The following KHDRBS2 variants were observed in gnomAD, a reference collection of about 807,000 sequenced individuals.
KHDRBS2 encodes KH domain-containing, RNA-binding, signal transduction-associated protein 2.
Under a neutral mutation model 44.3 loss-of-function variants are expected in KHDRBS2, and 26 were observed. The ratio of observed to expected loss-of-function variants is 0.59; its 90% CI spans 0.43 to 0.81. KHDRBS2 has a LOEUF of 0.81. Ranked by LOEUF, KHDRBS2 falls within the 40% of genes least tolerant of loss-of-function variation. KHDRBS2 has a pLI of 0.00. For synonymous variants in KHDRBS2, 194 were observed against 151.1 expected, an observed-to-expected ratio of 1.28 and a Z score of -2.08; for missense variants, 476 against 433.1, an observed-to-expected ratio of 1.10 and a Z score of -0.88.
intron 6 of KHDRBS2, among the ~76,000 whole-genome samples, chr6:61,770,065 C>A (rs1780622886): frequency 6.6e-6 from 1 of 152,188 alleles, no homozygotes; most frequent in African/African-American, 2.4e-5. Flanking sequence ...TGCTGATACC[C>A]AGGCAAACAG....
the KHDRBS2 span, among the ~76,000 whole-genome samples, chr6:61,639,393 A>G: frequency 1.3e-5 from 2 of 152,006 alleles, no homozygotes; most frequent in African/African-American, 4.8e-5. Context: ...TCTAATATTT[A>G]TGTCTTTTTC....
chr6:62,280,313 A>G (rs1411589689), intron 1 of KHDRBS2, among the ~76,000 whole-genome samples: 1 of 152,194 alleles, frequency 6.6e-6, no homozygotes, highest in Non-Finnish European at 1.5e-5. Flanking sequence ...TTACTGTGAC[A>G]GCATTGTGTG....
intron 6 of KHDRBS2, among the ~76,000 whole-genome samples, chr6:61,815,098 T>A (rs1351904044): frequency 1.3e-5 from 2 of 152,092 alleles, no homozygotes; most frequent in Admixed American, 1.3e-4. Context: ...CCACTCATTT[T>A]TTTTTTTCAA....
the KHDRBS2 span, among the ~76,000 whole-genome samples, chr6:61,544,084 C>T: frequency 1.3e-5 from 2 of 151,892 alleles, no homozygotes; most frequent in Non-Finnish European, 1.5e-5. Flanking sequence ...TTCAAGTGTA[C>T]ATTTAAAAAT....
At chr6:61,961,717 T>C (rs1207471911) in intron 4 of KHDRBS2, among the ~76,000 whole-genome samples, 1 of 151,500 alleles carries the variant, frequency 6.6e-6, no homozygotes, top group East Asian at 2.0e-4. Context: ...AAGGTTAGAG[T>C]GACCAGAGGG....
intron 1 of KHDRBS2, among the ~76,000 whole-genome samples, chr6:62,214,437 C>A (rs1178655242): frequency 6.8e-6 from 1 of 147,164 alleles, no homozygotes; most frequent in Non-Finnish European, 1.5e-5. Context: ...GAAATAGTAA[C>A]TTACAAAAAT....
At chr6:62,150,390 T>C (rs1814891002) in intron 2 of KHDRBS2, among the ~76,000 whole-genome samples, 1 of 152,206 alleles carries the variant, frequency 6.6e-6, no homozygotes, top group African/African-American at 2.4e-5. Context: ...ATATACTATC[T>C]AATTTAATTA....
At chr6:61,782,926 G>C (rs1783234857) in intron 6 of KHDRBS2, among the ~76,000 whole-genome samples, 2 of 151,512 alleles carry the variant, frequency 1.3e-5, no homozygotes, top group South Asian at 2.1e-4. Context: ...AACAGAGTGG[G>C]ACACAAGAAT....
At chr6:61,641,857 T>C in the KHDRBS2 span, among the ~76,000 whole-genome samples, 1 of 152,242 alleles carries the variant, frequency 6.6e-6, no homozygotes, top group Non-Finnish European at 1.5e-5. Context: ...AACATCATGA[T>C]ATTTAAATTC....
chr6:61,808,516 G>A (rs1348711825), intron 6 of KHDRBS2, among the ~76,000 whole-genome samples: 1 of 151,992 alleles, frequency 6.6e-6, no homozygotes, highest in Non-Finnish European at 1.5e-5. Context: ...ATTGATCAAG[G>A]GTAAATGTGA....
At chr6:61,587,853 C>G in the KHDRBS2 span, among the ~76,000 whole-genome samples, 1 of 152,062 alleles carries the variant, frequency 6.6e-6, no homozygotes, top group African/African-American at 2.4e-5. Context: ...TAGTCTCTCC[C>G]TTCCAGAGAT....
chr6:61,688,721 G>A (rs1266898726), intron 8 of KHDRBS2, among the ~76,000 whole-genome samples: 4 of 151,924 alleles, frequency 2.6e-5, no homozygotes, highest in Non-Finnish European at 4.4e-5. Context: ...CCTACTCTAA[G>A]TGCAAGTGCC....
In KHDRBS2 at chr6:61,956,508, A is replaced by G. The variant is rs185244184; in HGVS notation, c.483+21558T>C. Among the ~76,000 whole-genome samples the G allele has an allele frequency of 3.9e-4, 59 of 152,260 alleles. 1 individual carries two copies. The highest frequency in any genetic ancestry group is 1.3e-3 in the African/African-American group (53 of 41,548). Reference sequence around the variant, plus strand: ...ACATCTTTTTTTACTTCTCCAGGATACTAACCATTACAGCCACTGTCAGAG... The same window carrying G: ...ACATCTTTTTTTACTTCTCCAGGATGCTAACCATTACAGCCACTGTCAGAG... On this transcript the variant is annotated intron_variant, in intron 4 of 8. Transcript: ENST00000281156.
At chr6:61,649,833 T>C in the KHDRBS2 span, among the ~76,000 whole-genome samples, 1 of 152,196 alleles carries the variant, frequency 6.6e-6, no homozygotes, top group Non-Finnish European at 1.5e-5. Flanking sequence ...TCTGCTAGAT[T>C]GTCTTCTTAT....
intron 4 of KHDRBS2, among the ~76,000 whole-genome samples, chr6:61,975,777 G>C (rs1772497076): frequency 6.6e-6 from 1 of 152,120 alleles, no homozygotes; most frequent in Admixed American, 6.6e-5. Flanking sequence ...ATGTTAAATA[G>C]AGTGGTTAGT....
intron 1 of KHDRBS2, among the ~76,000 whole-genome samples, chr6:62,198,517 C>T (rs568877542): frequency 1.3e-5 from 2 of 151,918 alleles, no homozygotes; most frequent in African/African-American, 4.8e-5. Flanking sequence ...ACACATACAC[C>T]CTCCCAAGAC....
At chr6:62,260,626 C>T (rs1838185523) in intron 1 of KHDRBS2, among the ~76,000 whole-genome samples, 1 of 151,800 alleles carries the variant, frequency 6.6e-6, no homozygotes, top group African/African-American at 2.4e-5. Context: ...ATTAATCTTG[C>T]TTTTTTACCT....
chr6:62,079,843 C>T (rs1016919037), intron 2 of KHDRBS2, among the ~76,000 whole-genome samples: 8 of 151,930 alleles, frequency 5.3e-5, no homozygotes, highest in African/African-American at 1.7e-4. Context: ...GTTTATAGTT[C>T]TCTTACCTTC....
At chr6:62,182,723 G>C (rs565363277) in intron 1 of KHDRBS2, among the ~76,000 whole-genome samples, 2 of 151,704 alleles carry the variant, frequency 1.3e-5, no homozygotes, top group Non-Finnish European at 2.9e-5. Context: ...ATGCAATTGC[G>C]TGGACTGGCA....
Sources: gnomAD v4.1 joint callset for allele counts (sites outside exome capture counted in the v4.1 genomes callset) on GRCh38, gnomAD v4.1.1 for gene constraint, MANE v1.5 for transcripts, NCBI Gene and HGNC (gene_info 2026-07-23, HGNC 2026-07-21) for gene names.